Variants in STK3 observed in about 807,000 individuals in gnomAD.
STK3 encodes serine/threonine-protein kinase 3.
Under a neutral mutation model 58.0 loss-of-function variants are expected in STK3, and 41 were observed. That is an observed-to-expected ratio of 0.71 (90% CI 0.55 to 0.92). The LOEUF (loss-of-function observed/expected upper bound fraction) is 0.92, where lower values mean the gene tolerates loss of function less well. Ranked by LOEUF, STK3 falls within the 40% of genes least tolerant of loss-of-function variation. The pLI, the probability that STK3 is intolerant of heterozygous loss-of-function variation, is 0.00. For synonymous variants in STK3, 170 were observed against 191.0 expected, an observed-to-expected ratio of 0.89 and a Z score of 0.91; for missense variants, 479 against 602.7, an observed-to-expected ratio of 0.79 and a Z score of 2.15.
In STK3 at chr8:98,428,724, G is replaced by A; in HGVS notation, n.483+5403C>T. On this transcript the variant is annotated intron_variant and non_coding_transcript_variant, in intron 3 of 3. Coordinates refer to the STK3 transcript ENST00000517832. This position sits in a 1 kb window ranked among gnomAD's most constrained non-coding sequence, Gnocchi z 6.7. ...TGAGCTGGTGGCCAGGTTTGCTGTG[G>A]CCCCTGACTTCCTCAAGTTCTTCAA... The A allele has an allele frequency of 1.2e-6, 2 of 1,614,200 alleles. No homozygotes were observed. The highest frequency in any genetic ancestry group is 1.1e-5 in the South Asian group (1 of 91,074).
At chr8:98,675,995 G>T (rs558783552) in intron 6 of STK3, among the ~76,000 whole-genome samples, 1 of 152,266 alleles carries the variant, frequency 6.6e-6, no homozygotes, top group East Asian at 1.9e-4. Context: ...ACAAAATGAT[G>T]TGTACGCATA....
chr8:98,923,854 T>TGTGTGTGTGC (rs1491486943), intron 1 of STK3, among the ~76,000 whole-genome samples: 21 of 113,692 alleles, frequency 1.8e-4, no homozygotes, highest in South Asian at 8.9e-4. Context: ...TGTGTGTGTG[T>TGTGTGTGTGC]GCGCGCGCGC....
downstream of STK3, among the ~76,000 whole-genome samples, chr8:98,370,706 C>G (rs1817601740): frequency 6.6e-6 from 1 of 152,158 alleles, no homozygotes; most frequent in Non-Finnish European, 1.5e-5. Flanking sequence ...TTCTTGGAAC[C>G]AGCTTCCCTT....
At chr8:98,433,496 T>C (rs1314178473) in intron 3 of STK3, among the ~76,000 whole-genome samples, 2 of 152,190 alleles carry the variant, frequency 1.3e-5, no homozygotes, top group African/African-American at 4.8e-5. Flanking sequence ...TGGGCTGACT[T>C]GGTTCTGCTG....
At chr8:98,508,270 T>TTA (rs1370458091) in intron 10 of STK3, among the ~76,000 whole-genome samples, 2 of 152,214 alleles carry the variant, frequency 1.3e-5, no homozygotes, top group Non-Finnish European at 2.9e-5. Context: ...CACTTTATGT[T>TTA]AACTATTATC....
intron 1 of STK3, among the ~76,000 whole-genome samples, chr8:98,899,534 C>T (rs1480764478): frequency 6.6e-6 from 1 of 151,970 alleles, no homozygotes; most frequent in Non-Finnish European, 1.5e-5. Context: ...TACAAGTAAT[C>T]TAGAGATGAT....
At chr8:98,919,431 C>T (rs181774535) in intron 1 of STK3, among the ~76,000 whole-genome samples, 27 of 151,306 alleles carry the variant, frequency 1.8e-4, no homozygotes, top group African/African-American at 5.8e-4. Flanking sequence ...CTAAAACAGG[C>T]CAAAAAATAA....
At chr8:98,500,243 A>C (rs1167182367) in intron 10 of STK3, among the ~76,000 whole-genome samples, 4 of 152,112 alleles carry the variant, frequency 2.6e-5, no homozygotes, top group Non-Finnish European at 4.4e-5. Context: ...TTGAAAATGG[A>C]AAAAGAAGGC....
chr8:98,872,514 A>C (rs1210893055), intron 3 of STK3, among the ~76,000 whole-genome samples: 2 of 152,214 alleles, frequency 1.3e-5, no homozygotes, highest in African/African-American at 4.8e-5. Flanking sequence ...CCTCAATTTC[A>C]GAACCTGTTA....
intron 3 of STK3, among the ~76,000 whole-genome samples, chr8:98,409,467 A>T (rs1192039766): frequency 6.6e-6 from 1 of 152,214 alleles, no homozygotes; most frequent in African/African-American, 2.4e-5. Flanking sequence ...CAACTCTGCC[A>T]TCGACATCTT....
At chr8:98,905,704 G>C in intron 1 of STK3, 1 of 651,898 alleles carries the variant, frequency 1.5e-6, no homozygotes, top group Non-Finnish European at 2.9e-6. Flanking sequence ...AGCGGCGGAG[G>C]TAGCTCCTGC....
At chr8:98,422,041 C>T (rs1238857621) in intron 3 of STK3, among the ~76,000 whole-genome samples, 3 of 152,118 alleles carry the variant, frequency 2.0e-5, no homozygotes, top group African/African-American at 7.2e-5. Context: ...GACACAACCA[C>T]ACCCTTCTCT....
chr8:98,814,172 C>G (rs755115725), intron 1 of STK3, among the ~76,000 whole-genome samples: 3 of 151,990 alleles, frequency 2.0e-5, no homozygotes, highest in Non-Finnish European at 2.9e-5. Context: ...CTCAGCCTCC[C>G]GAGTAGCTGG....
chr8:98,705,864 A>C (rs1188619837), intron 6 of STK3, among the ~76,000 whole-genome samples: 5 of 152,212 alleles, frequency 3.3e-5, no homozygotes, highest in Non-Finnish European at 7.3e-5. Flanking sequence ...TTGAATATGC[A>C]AAATATATAT....
At chr8:98,867,172 G>T (rs767477372) in intron 3 of STK3, among the ~76,000 whole-genome samples, 26 of 152,154 alleles carry the variant, frequency 1.7e-4, no homozygotes, top group Non-Finnish European at 3.2e-4. Flanking sequence ...ATCCTAGCAC[G>T]TTGGGAGGCT....
At chr8:98,586,015 C>G (rs910232669) in intron 7 of STK3, among the ~76,000 whole-genome samples, 4 of 152,152 alleles carry the variant, frequency 2.6e-5, no homozygotes, top group African/African-American at 9.7e-5. Flanking sequence ...ATGGGGTTTT[C>G]TAGATATACA....
chr8:98,667,639 G>C (rs908933406), intron 6 of STK3, among the ~76,000 whole-genome samples: 2 of 152,058 alleles, frequency 1.3e-5, no homozygotes, highest in African/African-American at 4.8e-5. Context: ...AATAAGAAAA[G>C]AGAGCAAGTA....
intron 8 of STK3, among the ~76,000 whole-genome samples, chr8:98,548,937 A>T (rs985851735): frequency 2.0e-5 from 3 of 152,174 alleles, no homozygotes; most frequent in African/African-American, 7.2e-5. Context: ...TGGTAGAAAA[A>T]TTTCATTCCT....
chr8:98,464,540 TAAAAAAAAAAAA>T, intron 10 of STK3, among the ~76,000 whole-genome samples: 13 of 69,230 alleles, frequency 1.9e-4, no homozygotes, highest in Middle Eastern at 0.02. Flanking sequence ...TACTTAAAGT[TAAAAAAAAAAAA>T]AAAAAAAAAA....
Sources: gnomAD v4.1 joint callset for allele counts (sites outside exome capture counted in the v4.1 genomes callset) on GRCh38, gnomAD v4.1.1 for gene constraint, Gnocchi (gnomAD v3.1) non-coding constraint, MANE v1.5 for transcripts, NCBI Gene and HGNC (gene_info 2026-07-23, HGNC 2026-07-21) for gene names.